FBH1: variants seen among roughly 807,000 people sequenced by gnomAD.
The protein encoded by FBH1 is F-box DNA helicase 1, also known as DNA 3'-5' helicase 1.
Under a neutral mutation model 115.5 loss-of-function variants are expected in FBH1, and 43 were observed. The ratio of observed to expected loss-of-function variants is 0.37; its 90% CI spans 0.29 to 0.48. The LOEUF is 0.48. Ranked by LOEUF, FBH1 falls within the 20% of genes least tolerant of loss-of-function variation. The pLI, the probability that FBH1 is intolerant of heterozygous loss-of-function variation, is 0.99. For missense variants in FBH1, 1,001 were observed against 1,337.3 expected, an observed-to-expected ratio of 0.75 and a Z score of 3.92; for synonymous variants, 524 against 507.8, an observed-to-expected ratio of 1.03 and a Z score of -0.43.
chr10:5,894,502 G>A (rs776878370), intron 1 of FBH1: 6 of 1,032,714 alleles, frequency 5.8e-6, no homozygotes, highest in Admixed American at 5.1e-5. Context: ...GAGCTACGAG[G>A]TGACTTCAGG....
Position 5,894,227 on chromosome 10 carries a change from C to G in FBH1, c.1+3881C>G, listed in dbSNP as rs1007569775. Reference sequence around the variant, plus strand: ...TCGTTTCTTTTAGAGCTAATGGGGACACAATATTTTGAAGTTTTTCCATTT... The same window carrying G: ...TCGTTTCTTTTAGAGCTAATGGGGAGACAATATTTTGAAGTTTTTCCATTT... On this transcript the variant is annotated intron_variant, in intron 1 of 20. Coordinates refer to ENST00000362091, the MANE Select transcript of FBH1 (RefSeq NM_178150.3). 3.0e-6 allele frequency: 3 copies of G among 985,298 alleles called. No homozygotes were observed. In the African/African-American group the frequency reaches 5.2e-5, roughly 17 times the overall value. 61.0% of individuals were successfully genotyped at this position (985,298 alleles called of 1,614,324 possible).
At chr10:5,899,716 C>A (rs758513294) in intron 1 of FBH1, among the ~76,000 whole-genome samples, 1 of 152,178 alleles carries the variant, frequency 6.6e-6, no homozygotes, top group East Asian at 1.9e-4. Context: ...GCCATGTTGC[C>A]GCTCTACCTG....
intron 18 of FBH1, among the ~76,000 whole-genome samples, chr10:5,926,092 GTTATTA>G (rs558928372): frequency 5.1e-4 from 66 of 128,982 alleles, no homozygotes; most frequent in South Asian, 4.9e-3. Context: ...TGTTGTTGTT[GTTATTA>G]TTATTCTTAT....
rs1472401020 is a variant in FBH1 at position 5,911,853 on chromosome 10, TCTGAGTGAAAC to T, written c.1211+733_1211+743del. On this transcript the variant is annotated intron_variant, in intron 6 of 20. Coordinates refer to ENST00000362091, the MANE Select transcript of FBH1 (RefSeq NM_178150.3). The surrounding 1 kb of genome is among the most constrained non-coding windows in gnomAD (Gnocchi z 5.4). ...AAAAAGCTTCTCTGAGCAGGTAGTG[TCTGAGTGAAAC>T]CTGAGTGTGGAGGAGGAACCGCCGT... is the stretch of plus-strand genomic sequence containing the variant. Among the ~76,000 whole-genome samples the T allele has an allele frequency of 2.0e-5, 3 of 152,230 alleles. No homozygotes were observed. Among genetic ancestry groups the T allele is most frequent in the African/African-American group, 7.2e-5 (3 of 41,530 alleles).
intron 18 of FBH1, among the ~76,000 whole-genome samples, chr10:5,926,874 G>C (rs930538740): frequency 6.6e-6 from 1 of 152,226 alleles, no homozygotes; most frequent in Non-Finnish European, 1.5e-5. Context: ...ATCGAGATGG[G>C]AGATGAGAGG....
Position 5,915,532 on chromosome 10 carries a change from A to G in FBH1, c.1526A>G (p.Lys509Arg), listed in dbSNP as rs1221297435. 1 of 1,614,248 alleles carries G rather than the reference A, an allele frequency of 6.2e-7. No homozygotes were observed. Among genetic ancestry groups the G allele is most frequent in the South Asian group, 1.1e-5 (1 of 91,086 alleles). Reference protein sequence around the residue: ...ERVFPSNVICKTFHSMAYGHI... With the variant: ...ERVFPSNVICRTFHSMAYGHI... The stretch of plus-strand genomic sequence containing the variant: ...GTCTTCCCCAGCAACGTCATCTGCA[A>G]AACCTTCCACTCCATGGCCTACGGG... Residue 509 changes from lysine (K) to arginine (R), a missense_variant, in exon 9 of 21, where the codon AAA becomes AGA. Physicochemically the swap from Lys to Arg is conservative, Grantham distance 26. Coordinates refer to ENST00000362091, the MANE Select transcript of FBH1 (RefSeq NM_178150.3). The surrounding 1 kb of genome is among the most constrained non-coding windows in gnomAD (Gnocchi z 5.2).
chr10:5,901,908 C>T (rs1025682223), intron 1 of FBH1, among the ~76,000 whole-genome samples: 2 of 152,158 alleles, frequency 1.3e-5, no homozygotes, highest in African/African-American at 4.8e-5. Context: ...TTTAGTGTTT[C>T]ATGCCATAAG....
At position 5,913,166 on chromosome 10, in the gene FBH1, T is replaced by G. The variant is rs1429065280; in HGVS notation, c.1212-581T>G. On this transcript the variant is annotated intron_variant, in intron 6 of 20. Transcript: ENST00000362091. This position sits in a 1 kb window ranked among gnomAD's most constrained non-coding sequence, Gnocchi z 4.4. The stretch of plus-strand genomic sequence containing the variant: ...CTGTGCCTCTGCTGATTGAACTTTG[T>G]CATCTTTGGTCCCTCTTGGTGACTT... Among the ~76,000 whole-genome samples the G allele has an allele frequency of 3.3e-5, 5 of 152,162 alleles. No individual in the cohort carries two copies. Among genetic ancestry groups the G allele is most frequent in the African/African-American group, 9.7e-5 (4 of 41,436 alleles).
chr10:5,908,510 G>T (rs755365253), intron 3 of FBH1, among the ~76,000 whole-genome samples: 1 of 152,104 alleles, frequency 6.6e-6, no homozygotes, highest in Non-Finnish European at 1.5e-5. Context: ...TAACATTTCT[G>T]CCTGATTTTC....
upstream of FBH1, chr10:5,890,077 T>G (rs1589032369): frequency 1.3e-5 from 4 of 299,204 alleles, no homozygotes; most frequent in East Asian, 5.2e-5. Flanking sequence ...CCCCCACCGA[T>G]TGCGCATTTC....
intron 3 of FBH1, among the ~76,000 whole-genome samples, chr10:5,908,089 C>G (rs1298968260): frequency 1.3e-5 from 2 of 152,174 alleles, no homozygotes; most frequent in Non-Finnish European, 2.9e-5. Flanking sequence ...GTTGTTCCAT[C>G]CATCATTGAA....
In FBH1 at chr10:5,918,657, T is replaced by C. The variant is rs965429386; in HGVS notation, c.2100+179T>C. On this transcript the variant is annotated intron_variant, in intron 13 of 20. Coordinates refer to ENST00000362091, the MANE Select transcript of FBH1 (RefSeq NM_178150.3). This position sits in a 1 kb window ranked among gnomAD's most constrained non-coding sequence, Gnocchi z 4.0. ...AGTCACACTGTTTTCATAAGAGGTGTGTGCACAGCGGTCGTCTGAGGAAGA... is the reference window on the plus strand; with the variant it reads ...AGTCACACTGTTTTCATAAGAGGTGCGTGCACAGCGGTCGTCTGAGGAAGA... Among the ~76,000 whole-genome samples, 1 of 152,190 alleles carries C rather than the reference T, an allele frequency of 6.6e-6. No individual in the cohort carries two copies.
chr10:5,914,397 C>G lies in FBH1; in HGVS notation c.1396+128C>G. ...TCCAACTAATAATTCAATAACAGAT[C>G]AAATAATCAATCTCAAAAGCAATTG... On this transcript the variant is annotated intron_variant, in intron 8 of 20. Coordinates refer to ENST00000362091, the MANE Select transcript of FBH1 (RefSeq NM_178150.3). The surrounding 1 kb of genome is among the most constrained non-coding windows in gnomAD (Gnocchi z 5.2). The G allele has an allele frequency of 2.6e-6, 2 of 766,264 alleles. No individual in the cohort carries two copies. The highest frequency in any genetic ancestry group is 2.2e-6 in the Non-Finnish European group (1 of 456,104). 47.5% of individuals were successfully genotyped at this position (766,264 alleles called of 1,614,324 possible).
chr10:5,918,391 G>A lies in FBH1; in HGVS notation c.2013G>A (p.Gly671=), dbSNP rs1346930576. The A allele has an allele frequency of 2.2e-5, 36 of 1,613,234 alleles. No individual in the cohort carries two copies. The highest frequency in any genetic ancestry group is 3.0e-5 in the Non-Finnish European group (35 of 1,179,778). ...AGCCATGTGGGAAAATCTTTGTAGG[G>A]GACCCGCACCAGCAGATCTATACCT... ...LSQPCGKIFV[G]DPHQQIYTFR... Residue 671 remains glycine, a synonymous_variant, in exon 13 of 21, where the codon GGG becomes GGA. Transcript: ENST00000362091. The surrounding 1 kb of genome is among the most constrained non-coding windows in gnomAD (Gnocchi z 4.0).
intron 1 of FBH1, among the ~76,000 whole-genome samples, chr10:5,898,411 A>AT (rs1258181232): frequency 0.013 from 1,830 of 142,950 alleles, 35 homozygotes; most frequent in African/African-American, 0.043. Context: ...CTAGAACCGC[A>AT]TTTTTTTTTT....
At chr10:5,926,270 C>T (rs58322448) in intron 18 of FBH1, among the ~76,000 whole-genome samples, 9 of 152,182 alleles carry the variant, frequency 5.9e-5, no homozygotes, top group East Asian at 1.9e-4. Flanking sequence ...CGTGCCACCA[C>T]GCCCAGCTAA....
At position 5,933,558 on chromosome 10, in the gene FBH1, G is replaced by C. The variant is rs993481257; in HGVS notation, c.2830-2898G>C. Among the ~76,000 whole-genome samples, 37 of 152,130 alleles carry C rather than the reference G, an allele frequency of 2.4e-4. No individual in the cohort carries two copies. Among genetic ancestry groups the C allele is most frequent in the African/African-American group, 8.9e-4 (37 of 41,416 alleles). On this transcript the variant is annotated intron_variant, in intron 19 of 20. Coordinates refer to ENST00000362091, the MANE Select transcript of FBH1 (RefSeq NM_178150.3). This position sits in a 1 kb window ranked among gnomAD's most constrained non-coding sequence, Gnocchi z 4.9. ...GGCTGTCTGCCCTCAGGGGTCCTGCGAGGAAGTCCCAGAAAAACTGCCTAT... is the reference window on the plus strand; with the variant it reads ...GGCTGTCTGCCCTCAGGGGTCCTGCCAGGAAGTCCCAGAAAAACTGCCTAT...
At position 5,925,364 on chromosome 10, in the gene FBH1, T is replaced by G; in HGVS notation, c.2597-3T>G. ...TCTAACGTGTGCTGTGTTTTTATCC[T>G]AGAGTACATTCTGGGCACTGTGCAC... On this transcript the variant is annotated splice_region_variant and splice_polypyrimidine_tract_variant and intron_variant, in intron 17 of 20. Transcript: ENST00000362091. This position sits in a 1 kb window ranked among gnomAD's most constrained non-coding sequence, Gnocchi z 4.6. 1 of 1,613,980 alleles carries G rather than the reference T, an allele frequency of 6.2e-7. No homozygotes were observed. The highest frequency in any genetic ancestry group is 8.5e-7 in the Non-Finnish European group (1 of 1,179,946).
chr10:5,937,278 T>G lies in FBH1; in HGVS notation c.3130T>G (p.Ter1044GlyextTer89). ...TGAGGCCCTGCTCTTCCTCGTCTTC[T>G]GAGGACAAGGCGCACGTTCTCCGCA... is the stretch of plus-strand genomic sequence containing the variant. ...RHEALLFLVF[*>G] Residue 1044 changes from the stop codon to glycine, a stop_lost, in exon 21 of 21, where the codon TGA becomes GGA. Coordinates refer to ENST00000362091, the MANE Select transcript of FBH1 (RefSeq NM_178150.3). The G allele has an allele frequency of 6.3e-7, 1 of 1,598,440 alleles. No individual in the cohort carries two copies. The highest frequency in any genetic ancestry group is 8.5e-7 in the Non-Finnish European group (1 of 1,171,116).
Sources: allele counts gnomAD v4.1 joint callset (sites outside exome capture counted in the v4.1 genomes callset), GRCh38; gene constraint gnomAD v4.1.1; non-coding constraint Gnocchi (gnomAD v3.1); transcripts MANE v1.5; gene names NCBI Gene and HGNC (gene_info 2026-07-23, HGNC 2026-07-21).